EHF: variants seen among roughly 807,000 people sequenced by gnomAD.
EHF encodes the protein ESE3 transcription factor.
A neutral mutation model predicts 45.1 loss-of-function variants in EHF; 14 were observed. That is an observed-to-expected ratio of 0.31 (90% CI 0.21 to 0.49). The LOEUF (loss-of-function observed/expected upper bound fraction) is 0.49, where lower values mean the gene tolerates loss of function less well. EHF is among the 20% of genes least tolerant of loss of function. The pLI, the probability that EHF is intolerant of heterozygous loss-of-function variation, is 0.99. For missense variants in EHF, 282 were observed against 371.4 expected (o/e 0.76, Z 1.98); for synonymous variants, 136 against 131.8 (o/e 1.03, Z -0.22).
intron 1 of EHF, chr11:34,622,274 A>C (rs1428856704): frequency 3.2e-6 from 1 of 315,856 alleles, no homozygotes; most frequent in Non-Finnish European, 6.0e-6. Context: ...TAAGATGGAG[A>C]GTGTATGCTT....
Position 34,633,254 on chromosome 11 carries a change from T to C in EHF, c.-3-9374T>C, listed in dbSNP as rs141064954. Reference sequence around the variant, plus strand: ...AATTCCCTCAAGTTGGCAAATAATATAATAGTAGGTTATCTGCAGATGGAT... The same window carrying C: ...AATTCCCTCAAGTTGGCAAATAATACAATAGTAGGTTATCTGCAGATGGAT... On this transcript the variant is annotated intron_variant, in intron 1 of 8. Coordinates refer to ENST00000257831, the MANE Select transcript of EHF (RefSeq NM_012153.6). Among the ~76,000 whole-genome samples the C allele has an allele frequency of 3.9e-3, 592 of 152,272 alleles. 12 individuals carry two copies. Among genetic ancestry groups the C allele is most frequent in the Admixed American group, 0.034 (515 of 15,290 alleles).
rs367732165 is a variant in EHF, at chr11:34,657,020, G to T, written c.607+50G>T. On this transcript the variant is annotated intron_variant, in intron 7 of 8. Transcript: ENST00000257831. Reference sequence around the variant, plus strand: ...CCTTTGGTCCTTCCCATCACATCGGGCACATCTGGAGGCCACTAGTTTTTT... The same window carrying T: ...CCTTTGGTCCTTCCCATCACATCGGTCACATCTGGAGGCCACTAGTTTTTT... The T allele has an allele frequency of 1.2e-5, 20 of 1,605,522 alleles. No individual in the cohort carries two copies. In the Admixed American group the frequency reaches 2.7e-4, roughly 22 times the overall value.
In EHF at chr11:34,651,531, A is replaced by G; in HGVS notation, c.407-11A>G. 1.2e-6 allele frequency: 2 copies of G among 1,611,428 alleles called. No homozygotes were observed. The highest frequency in any genetic ancestry group is 1.7e-6 in the Non-Finnish European group (2 of 1,177,930). On this transcript the variant is annotated splice_polypyrimidine_tract_variant and intron_variant, in intron 4 of 8. Coordinates refer to ENST00000257831, the MANE Select transcript of EHF (RefSeq NM_012153.6). ...AGATCGCTGACTATTCTCCTTCTCT[A>G]TTTTTTGTAGAGCCTTCCATCATGA... is the stretch of plus-strand genomic sequence containing the variant.
intron 1 of EHF, among the ~76,000 whole-genome samples, chr11:34,640,019 A>AT (rs1209460019): frequency 6.8e-6 from 1 of 146,298 alleles, no homozygotes; most frequent in African/African-American, 2.6e-5. Context: ...CATTTATTAA[A>AT]TTCTTTTTTT....
At chr11:34,658,447 C>G in intron 7 of EHF, 86 bp from the exon 8 acceptor site, 1 of 1,149,892 alleles carries the variant, frequency 8.7e-7, no homozygotes, top group Admixed American at 2.2e-5. Context: ...CTCCTACTTG[C>G]AGGAAGATGA....
intron 1 of EHF, among the ~76,000 whole-genome samples, chr11:34,639,913 T>A (rs1853813430): frequency 6.6e-6 from 1 of 152,130 alleles, no homozygotes; most frequent in South Asian, 2.1e-4. Context: ...TCTGGATGTT[T>A]CCAGAAGGTC....
intron 6 of EHF, among the ~76,000 whole-genome samples, chr11:34,654,518 C>T (rs1483823568): frequency 6.6e-6 from 1 of 152,152 alleles, no homozygotes. Flanking sequence ...ACTGCTTATT[C>T]CCCTTTATGA....
At chr11:34,632,707 C>T (rs748143003) in intron 1 of EHF, 18 of 1,527,986 alleles carry the variant, frequency 1.2e-5, no homozygotes, top group Non-Finnish European at 1.6e-5. Context: ...GCTCTTGCCC[C>T]ATTCCATTCA....
intron 1 of EHF, among the ~76,000 whole-genome samples, chr11:34,635,313 G>T (rs1853275684): frequency 6.6e-6 from 1 of 152,024 alleles, no homozygotes. Context: ...AGCAGTCCTT[G>T]GGCTTGTTAG....
intron 1 of EHF, among the ~76,000 whole-genome samples, chr11:34,635,984 G>C (rs1171782237): frequency 6.6e-6 from 1 of 152,158 alleles, no homozygotes; most frequent in Non-Finnish European, 1.5e-5. Flanking sequence ...TCGGAATAGG[G>C]AGTGGGGAGG....
intron 4 of EHF, 122 bp downstream of exon 4, chr11:34,649,203 C>T: frequency 1.0e-6 from 1 of 994,062 alleles, no homozygotes; most frequent in South Asian, 1.5e-5. Flanking sequence ...AGGCCTTTTC[C>T]CTGGCTGTCT....
intron 1 of EHF, chr11:34,631,633 G>C (rs1480388094): frequency 1.1e-6 from 1 of 938,954 alleles, no homozygotes; most frequent in Non-Finnish European, 1.3e-6. Context: ...TTTGAGGTAG[G>C]TGTGGCTAGC....
chr11:34,646,670 A>G lies in EHF; in HGVS notation c.329A>G (p.His110Arg). The change falls in exon 3 of 9, where the codon CAT becomes CGT. Residue 110 changes from histidine to arginine, a missense_variant. By Grantham distance (29) the His-to-Arg change is conservative (BLOSUM62 0). Coordinates refer to ENST00000257831, the MANE Select transcript of EHF (RefSeq NM_012153.6). ...AGQLLYSNLQ[H>R]LKWNGQCSSD... The stretch of plus-strand genomic sequence containing the variant: ...CAGCTCCTCTACAGCAACTTGCAGC[A>G]TCTGAAGTGGAACGGTGACTCTCTC... 2 of 1,611,424 alleles carry G rather than the reference A, an allele frequency of 1.2e-6. No homozygotes were observed.
In EHF at chr11:34,658,675, T is replaced by A. The variant is rs1470123562; in HGVS notation, c.750T>A (p.Gly250=). ...CAGAGGCAGTGGCTCAGCTATGGGG[T>A]AAAAAGAAGAACAACAGCAGCATGA... ...LKSEAVAQLW[G]KKKNNSSMTY... Residue 250 remains glycine (G), a synonymous_variant, in exon 8 of 9, where the codon GGT becomes GGA. Transcript: ENST00000257831. 6.2e-7 allele frequency: 1 copy of A among 1,613,574 alleles called. No homozygotes were observed. Among genetic ancestry groups the A allele is most frequent in the Non-Finnish European group, 8.5e-7 (1 of 1,179,746 alleles).
chr11:34,646,897 G>A (rs1854603741), intron 3 of EHF: 2 of 592,722 alleles, frequency 3.4e-6, no homozygotes, highest in Non-Finnish European at 5.8e-6. Context: ...AAATGCCAGT[G>A]TAATTTAATT....
intron 2 of EHF, among the ~76,000 whole-genome samples, chr11:34,645,202 C>T (rs1261361198): frequency 2.0e-5 from 3 of 152,188 alleles, no homozygotes; most frequent in African/African-American, 2.4e-5. Context: ...CGCAGAACTT[C>T]GGGCAGACTA....
rs1170314824 is a variant in EHF at position 34,651,623 on chromosome 11, C to T, written c.475+13C>T. ...GGTAGCACAGTAGGTAACTAACTCC[C>T]TGACACTTAAGGCCCTTTACATTCT... On this transcript the variant is annotated intron_variant, in intron 5 of 8. Transcript: ENST00000257831. 6.2e-7 allele frequency: 1 copy of T among 1,612,598 alleles called. No individual in the cohort carries two copies. Among genetic ancestry groups the T allele is most frequent in the Non-Finnish European group, 8.5e-7 (1 of 1,178,650 alleles).
At chr11:34,639,610 T>C (rs1853782572) in intron 1 of EHF, among the ~76,000 whole-genome samples, 1 of 152,230 alleles carries the variant, frequency 6.6e-6, no homozygotes, top group African/African-American at 2.4e-5. Flanking sequence ...AGGACATCTT[T>C]CCCTGCAGCT....
At chr11:34,622,621 T>G (rs1386812120) in intron 1 of EHF, among the ~76,000 whole-genome samples, 1 of 152,206 alleles carries the variant, frequency 6.6e-6, no homozygotes, top group East Asian at 1.9e-4. Context: ...ATAGCTGCAT[T>G]TGAAGTTTGC....
Sources: allele counts gnomAD v4.1 joint callset (sites outside exome capture counted in the v4.1 genomes callset), GRCh38; gene constraint gnomAD v4.1.1; transcripts MANE v1.5; gene names NCBI Gene and HGNC (gene_info 2026-07-23, HGNC 2026-07-21).